Variants in COMMD1 observed in about 807,000 individuals in gnomAD.
COMMD1 encodes COMM domain-containing protein 1.
In COMMD1, 10 loss-of-function variants were observed where a neutral mutation model predicts 17.2. That is an observed-to-expected ratio of 0.58 (90% CI 0.36 to 0.99). COMMD1 has a LOEUF of 0.99. Among genes scored for constraint, COMMD1 ranks in the 50% least tolerant of loss-of-function variants. The pLI is 0.01. For synonymous variants in COMMD1, 97 were observed against 91.6 expected (o/e 1.06, Z -0.34); for missense variants, 270 against 231.8 (o/e 1.17, Z -1.07).
At chr2:62,042,679 T>C (rs1236181453) in intron 2 of COMMD1, among the ~76,000 whole-genome samples, 1 of 152,164 alleles carries the variant, frequency 6.6e-6, no homozygotes, top group African/African-American at 2.4e-5. Context: ...GAAGGGCTCC[T>C]CGAGCGCAGC....
At chr2:61,954,795 C>A (rs1039744214) in intron 1 of COMMD1, among the ~76,000 whole-genome samples, 1 of 152,148 alleles carries the variant, frequency 6.6e-6, no homozygotes, top group African/African-American at 2.4e-5. Context: ...AATTCTCCTA[C>A]CTCAGCCTCC....
chr2:62,072,239 A>G (rs1016653963), intron 2 of COMMD1, among the ~76,000 whole-genome samples: 1 of 152,076 alleles, frequency 6.6e-6, no homozygotes, highest in Non-Finnish European at 1.5e-5. Context: ...CCAAAGACAA[A>G]TTAAAGCCTG....
chr2:61,910,095 C>T (rs1419950649), intron 1 of COMMD1, among the ~76,000 whole-genome samples: 1 of 152,076 alleles, frequency 6.6e-6, no homozygotes, highest in African/African-American at 2.4e-5. Context: ...GCGAAGCTGG[C>T]CATTCACTTG....
chr2:61,894,056 A>G (rs1292307862), intron 1 of COMMD1, among the ~76,000 whole-genome samples: 2 of 152,164 alleles, frequency 1.3e-5, no homozygotes, highest in Non-Finnish European at 2.9e-5. Context: ...TGGGCAACAT[A>G]GCAAAACCCC....
intron 1 of COMMD1, among the ~76,000 whole-genome samples, chr2:61,992,555 A>G (rs10170981): frequency 0.029 from 4,345 of 152,292 alleles, 94 homozygotes; most frequent in East Asian, 0.09. Flanking sequence ...TTACATTTTT[A>G]AAGAGTTGTA....
intron 1 of COMMD1, among the ~76,000 whole-genome samples, chr2:61,892,580 G>C (rs1669458505): frequency 6.6e-6 from 1 of 151,840 alleles, no homozygotes; most frequent in Non-Finnish European, 1.5e-5. Context: ...TGTATTCCCA[G>C]CTACTGGGGA....
chr2:62,095,730 A>G (rs191598985), intron 2 of COMMD1, among the ~76,000 whole-genome samples: 1 of 147,714 alleles, frequency 6.8e-6, no homozygotes, highest in Admixed American at 6.8e-5. Context: ...CCTCAAAAGG[A>G]TAATCACCAG....
intron 2 of COMMD1, among the ~76,000 whole-genome samples, chr2:62,020,365 G>A (rs991388271): frequency 5.3e-5 from 8 of 152,122 alleles, no homozygotes; most frequent in Admixed American, 1.3e-4. Context: ...CTCTTAGCTC[G>A]TCCTTCTGGG....
chr2:61,910,337 A>G (rs969839254), intron 1 of COMMD1, among the ~76,000 whole-genome samples: 2 of 151,194 alleles, frequency 1.3e-5, no homozygotes, highest in African/African-American at 2.4e-5. Context: ...TGCAACCTCT[A>G]CCTCCTGGGT....
chr2:62,104,744 T>C lies in COMMD1; in HGVS notation c.463-31087T>C, dbSNP rs182684024. ...AGTCATCATTTAGAAGTGCCTGTTA[T>C]GTGCCAGGCACAATGCTAGGTGCTA... On this transcript the variant is annotated intron_variant, in intron 2 of 2. Transcript: ENST00000311832. 2.6e-5 allele frequency among the ~76,000 whole-genome samples: 4 copies of C among 152,238 alleles called. No individual in the cohort carries two copies. The East Asian group carries it at 7.7e-4, about 29-fold the overall frequency.
chr2:61,982,758 A>C (rs1311359888), intron 1 of COMMD1, among the ~76,000 whole-genome samples: 1 of 152,108 alleles, frequency 6.6e-6, no homozygotes, highest in Non-Finnish European at 1.5e-5. Context: ...AATTTTATCA[A>C]ATGTCTTTTC....
chr2:62,073,166 T>A (rs1355861498), intron 2 of COMMD1, among the ~76,000 whole-genome samples: 2 of 152,194 alleles, frequency 1.3e-5, no homozygotes. Flanking sequence ...GCTGCCACAG[T>A]GCTAACCTAT....
chr2:62,022,850 A>G (rs765040726), intron 2 of COMMD1, among the ~76,000 whole-genome samples: 1 of 152,210 alleles, frequency 6.6e-6, no homozygotes, highest in South Asian at 2.1e-4. Context: ...TTAGAGTCCA[A>G]TGTAAGTGCT....
intron 2 of COMMD1, among the ~76,000 whole-genome samples, chr2:62,079,038 CCCCCA>C (rs1449759328): frequency 6.6e-6 from 1 of 152,042 alleles, no homozygotes; most frequent in African/African-American, 2.4e-5. Context: ...GCATGTCTGA[CCCCCA>C]CCTCCCATCA....
chr2:61,973,287 T>G (rs1671701190), intron 1 of COMMD1, among the ~76,000 whole-genome samples: 1 of 152,202 alleles, frequency 6.6e-6, no homozygotes, highest in Non-Finnish European at 1.5e-5. Flanking sequence ...GAGGAGTTGC[T>G]TTGGTCTAAA....
At chr2:61,905,530 T>C (rs2105169155), upstream of COMMD1, 1 of 705,660 alleles carries the variant, frequency 1.4e-6, no homozygotes, top group Non-Finnish European at 2.3e-6. Flanking sequence ...AGAGCAAAGC[T>C]GTAAGCTGCC....
intron 1 of COMMD1, among the ~76,000 whole-genome samples, chr2:61,932,840 C>T (rs1334791461): frequency 1.3e-5 from 2 of 152,138 alleles, no homozygotes; most frequent in African/African-American, 4.8e-5. Flanking sequence ...TCTGTGTGGA[C>T]CCCGTAGCAG....
intron 2 of COMMD1, among the ~76,000 whole-genome samples, chr2:62,030,783 C>G (rs750830743): frequency 2.0e-5 from 3 of 151,754 alleles, no homozygotes; most frequent in Non-Finnish European, 4.4e-5. Flanking sequence ...TGATAATATC[C>G]AAAATGTATT....
intron 2 of COMMD1, among the ~76,000 whole-genome samples, chr2:62,026,261 G>A (rs1252117717): frequency 6.6e-6 from 1 of 152,206 alleles, no homozygotes; most frequent in East Asian, 1.9e-4. Context: ...AGGCTGTACA[G>A]GAAGCATGGT....
Sources: gnomAD v4.1 joint callset for allele counts (sites outside exome capture counted in the v4.1 genomes callset) on GRCh38, gnomAD v4.1.1 for gene constraint, MANE v1.5 for transcripts, NCBI Gene and HGNC (gene_info 2026-07-23, HGNC 2026-07-21) for gene names.